The following GPR55 variants were observed in gnomAD, a reference collection of about 807,000 sequenced individuals.
GPR55 encodes the protein G-protein coupled receptor 55.
A neutral mutation model predicts 7.9 loss-of-function variants in GPR55; 6 were observed. The ratio of observed to expected loss-of-function variants is 0.76; its 90% CI spans 0.41 to 1.49. GPR55 has a LOEUF of 1.49. Ranked by LOEUF, GPR55 falls within the 40% of genes most tolerant of loss-of-function variation. The pLI, the probability that GPR55 is intolerant of heterozygous loss-of-function variation, is 0.01. For synonymous variants in GPR55, 183 were observed against 166.8 expected (o/e 1.10, Z -0.75); for missense variants, 376 against 406.0 (o/e 0.93, Z 0.63).
chr2:230,928,542 C>T (rs1690979448), upstream of GPR55: 2 of 152,158 alleles, frequency 1.3e-5, no homozygotes, highest in Admixed American at 1.3e-4. Flanking sequence ...ATGACAGTAC[C>T]TGTCTCAGAA....
At chr2:230,929,684 G>A (rs2125060975), upstream of GPR55, 1 of 152,338 alleles carries the variant, frequency 6.6e-6, no homozygotes, top group Non-Finnish European at 1.5e-5. Context: ...GCAGAAGTTG[G>A]ACAAAGGTGG....
intron 1 of GPR55, among the ~76,000 whole-genome samples, chr2:230,952,268 C>T (rs1415352791): frequency 1.6e-5 from 1 of 63,082 alleles, no homozygotes; most frequent in Non-Finnish European, 3.0e-5. Flanking sequence ...TGGAATGCTC[C>T]TTCTATGCTA....
At chr2:230,929,132 T>G (rs1352203411), upstream of GPR55, among the ~76,000 whole-genome samples, 3 of 152,120 alleles carry the variant, frequency 2.0e-5, no homozygotes, top group African/African-American at 7.2e-5. Flanking sequence ...GGATTACTGG[T>G]GTGAACCACT....
chr2:230,911,354 T>C (rs1484789924), intron 1 of GPR55, among the ~76,000 whole-genome samples: 1 of 152,140 alleles, frequency 6.6e-6, no homozygotes, highest in African/African-American at 2.4e-5. Context: ...ATGGAAAACA[T>C]GAAAACTAGG....
intron 1 of GPR55, chr2:230,957,752 G>C: frequency 3.6e-6 from 2 of 552,136 alleles, no homozygotes; most frequent in South Asian, 1.4e-5. Flanking sequence ...TTGTTAACTA[G>C]TAGAATTAGA....
chr2:230,946,209 G>A (rs1691311401), intron 1 of GPR55, among the ~76,000 whole-genome samples: 1 of 152,208 alleles, frequency 6.6e-6, no homozygotes, highest in African/African-American at 2.4e-5. Flanking sequence ...AGGGGCTGGA[G>A]GGCTAGGGAG....
Position 230,908,610 on chromosome 2 carries a change from C to A in GPR55, c.*1393G>T, listed in dbSNP as rs74648776. The A allele has an allele frequency of 7.0e-3, 1,064 of 153,092 alleles. 13 individuals carry two copies. Among genetic ancestry groups the A allele is most frequent in the African/African-American group, 0.022 (909 of 41,568 alleles). 9.5% of individuals were successfully genotyped at this position (153,092 alleles called of 1,614,324 possible). On this transcript the variant is annotated 3_prime_UTR_variant, in exon 2 of 2. Coordinates refer to ENST00000650999, the MANE Select transcript of GPR55 (RefSeq NM_005683.4). ...CCACCCCTCCCAAGCCCTTCAGCCC[C>A]CACTGAGCCCAGATCCTACAAGTAG...
upstream of GPR55, chr2:230,928,583 G>A (rs1054617078): frequency 3.3e-5 from 5 of 152,202 alleles, no homozygotes; most frequent in African/African-American, 1.2e-4. Flanking sequence ...CATGGTAACA[G>A]GGGTAAGTGT....
intron 1 of GPR55, among the ~76,000 whole-genome samples, chr2:230,933,653 A>T (rs1241374935): frequency 6.6e-6 from 1 of 152,202 alleles, no homozygotes; most frequent in East Asian, 1.9e-4. Flanking sequence ...GGCTGGACTC[A>T]GGGGACTCAG....
At chr2:230,937,919 C>T (rs139663396) in intron 1 of GPR55, among the ~76,000 whole-genome samples, 63 of 151,964 alleles carry the variant, frequency 4.1e-4, no homozygotes, top group African/African-American at 1.4e-3. Flanking sequence ...TTTTGGGAGG[C>T]GGAGGCAGGA....
chr2:230,956,109 A>G (rs1422761719), intron 1 of GPR55, among the ~76,000 whole-genome samples: 1 of 151,914 alleles, frequency 6.6e-6, no homozygotes, highest in Non-Finnish European at 1.5e-5. Flanking sequence ...TCTTGTTCTA[A>G]CATTTACCTG....
chr2:230,948,942 G>A (rs1053687709), intron 1 of GPR55, among the ~76,000 whole-genome samples: 4 of 152,226 alleles, frequency 2.6e-5, no homozygotes, highest in East Asian at 1.9e-4. Context: ...GGTGGCGTGC[G>A]CCTGTAATCC....
At position 230,924,218 on chromosome 2, in the gene GPR55, T is replaced by C. The variant is rs770044179; in HGVS notation, c.-135+950A>G. On this transcript the variant is annotated intron_variant, in intron 1 of 1. Coordinates refer to ENST00000650999, the MANE Select transcript of GPR55 (RefSeq NM_005683.4). This position sits in a 1 kb window ranked among gnomAD's most constrained non-coding sequence, Gnocchi z 4.5. ...GGGGGTGAAGAAATGACGGAACAAA[T>C]GGCCAGGTCTGCTGCAGCTCCACAG... is the stretch of plus-strand genomic sequence containing the variant. Among the ~76,000 whole-genome samples, 5 of 152,116 alleles carry C rather than the reference T, an allele frequency of 3.3e-5. No homozygotes were observed. The highest frequency in any genetic ancestry group is 5.9e-5 in the Non-Finnish European group (4 of 68,012).
At chr2:230,926,863 TC>T (rs1371971967), upstream of GPR55, among the ~76,000 whole-genome samples, 2 of 151,772 alleles carry the variant, frequency 1.3e-5, no homozygotes, top group Non-Finnish European at 2.9e-5. Flanking sequence ...CTAACTTTTT[TC>T]GTATTTTTAG....
Position 230,910,369 on chromosome 2 carries a change from G to T in GPR55, c.594C>A (p.Gly198=). The T allele has an allele frequency of 1.9e-6, 3 of 1,614,108 alleles. No homozygotes were observed. The highest frequency in any genetic ancestry group is 2.5e-6 in the Non-Finnish European group (3 of 1,179,972). The stretch of plus-strand genomic sequence containing the variant: ...TGTGGATGCTCCTGGAGCAGCAGAA[G>T]CCCATGATGCCCATGGGAAGGAGGA... ...FGFLLPMGIM[G]FCCSRSIHIL... The change falls in exon 2 of 2, where the codon GGC becomes GGA. Residue 198 remains glycine, a synonymous_variant. Coordinates refer to ENST00000650999, the MANE Select transcript of GPR55 (RefSeq NM_005683.4). This position sits in a 1 kb window ranked among gnomAD's most constrained non-coding sequence, Gnocchi z 5.4.
intron 1 of GPR55, among the ~76,000 whole-genome samples, chr2:230,947,436 C>G (rs1691336217): frequency 6.6e-6 from 1 of 151,662 alleles, no homozygotes; most frequent in Admixed American, 6.6e-5. Context: ...ATTTTTAGCT[C>G]AGGGGAATAA....
chr2:230,949,146 G>A (rs1691361680), intron 1 of GPR55, among the ~76,000 whole-genome samples: 1 of 136,122 alleles, frequency 7.3e-6, no homozygotes, highest in Non-Finnish European at 1.6e-5. Flanking sequence ...TGCTTTTATG[G>A]CTCTTTTTTT....
chr2:230,916,842 G>A lies in GPR55; in HGVS notation c.-134-5746C>T, dbSNP rs1009134326. The stretch of plus-strand genomic sequence containing the variant: ...ACAAAACCAACTACATAGCAAAGGA[G>A]TGAATATAATAGGAAAAGAAACAGC... On this transcript the variant is annotated intron_variant, in intron 1 of 1. Transcript: ENST00000650999. Among the ~76,000 whole-genome samples, 3 of 152,080 alleles carry A rather than the reference G, an allele frequency of 2.0e-5. No individual in the cohort carries two copies. The South Asian group carries it at 6.2e-4, about 32-fold the overall frequency.
Position 230,910,211 on chromosome 2 carries a change from A to G in GPR55, c.752T>C (p.Leu251Pro), listed in dbSNP as rs1436322064. 6.2e-7 allele frequency: 1 copy of G among 1,614,094 alleles called. No homozygotes were observed. Among genetic ancestry groups the G allele is most frequent in the South Asian group, 1.1e-5 (1 of 91,076 alleles). The change falls in exon 2 of 2, where the codon CTG becomes CCG. Residue 251 changes from leucine to proline, a missense_variant. By Grantham distance (98) the Leu-to-Pro change is moderately conservative. Coordinates refer to ENST00000650999, the MANE Select transcript of GPR55 (RefSeq NM_005683.4). The surrounding 1 kb of genome is among the most constrained non-coding windows in gnomAD (Gnocchi z 5.4). The part of the protein sequence containing the change: ...PVHLGFFLQF[L>P]VRNSFIVECR... Reference sequence around the variant, plus strand: ...CTCTACGATAAAGCTGTTTCTCACCAGGAACTGCAGGAAGAACCCCAGGTG... The same window carrying G: ...CTCTACGATAAAGCTGTTTCTCACCGGGAACTGCAGGAAGAACCCCAGGTG...
Sources: allele counts gnomAD v4.1 joint callset (sites outside exome capture counted in the v4.1 genomes callset), GRCh38; gene constraint gnomAD v4.1.1; non-coding constraint Gnocchi (gnomAD v3.1); transcripts MANE v1.5; gene names NCBI Gene and HGNC (gene_info 2026-07-23, HGNC 2026-07-21).